PARPBP: variants seen among roughly 807,000 people sequenced by gnomAD.
The protein encoded by PARPBP is PARP1 binding protein.
PARPBP carries 52 observed loss-of-function variants against 50.0 expected under a neutral mutation model. The ratio of observed to expected loss-of-function variants is 1.04; its 90% confidence interval spans 0.83 to 1.31. The LOEUF (loss-of-function observed/expected upper bound fraction) is 1.31. PARPBP is among the 50% of genes most tolerant of loss of function. PARPBP has a pLI of 0.00. For missense variants in PARPBP, 697 were observed against 672.0 expected (o/e 1.04, Z -0.41); for synonymous variants, 244 against 232.1 (o/e 1.05, Z -0.47).
At chr12:102,171,206 A>G (rs1888693847) in intron 6 of PARPBP, among the ~76,000 whole-genome samples, 1 of 151,928 alleles carries the variant, frequency 6.6e-6, no homozygotes, top group African/African-American at 2.4e-5. Flanking sequence ...TAAAAGGTAT[A>G]GCAAACACAT....
Position 102,192,433 on chromosome 12 carries a change from T to C in PARPBP, c.1264-2879T>C, listed in dbSNP as rs1324817225. Among the ~76,000 whole-genome samples the C allele has an allele frequency of 2.0e-5, 3 of 152,140 alleles. No individual in the cohort carries two copies. In the East Asian group the frequency reaches 5.8e-4, roughly 29 times the overall value. ...AGCATTAGAAGCCAGGTCTTCTGAC[T>C]GCAAATCTGATGCTTTTCCCATCAC... On this transcript the variant is annotated intron_variant, in intron 9 of 10. Transcript: ENST00000327680.
Position 102,183,682 on chromosome 12 carries a change from A to T in PARPBP, c.1263+1055A>T, listed in dbSNP as rs560789033. On this transcript the variant is annotated intron_variant, in intron 9 of 10. Transcript: ENST00000327680. ...AACAGAAGTGTAACATATCAAAAAA[A>T]TTTTTTTCTTGCTATGGATACTGAC... is the stretch of plus-strand genomic sequence containing the variant. Among the ~76,000 whole-genome samples, 713 of 152,224 alleles carry T rather than the reference A, an allele frequency of 4.7e-3. 4 individuals carry two copies. The highest frequency in any genetic ancestry group is 0.016 in the African/African-American group (644 of 41,528).
At chr12:102,128,187 C>T (rs1882300754) in intron 2 of PARPBP, among the ~76,000 whole-genome samples, 1 of 152,048 alleles carries the variant, frequency 6.6e-6, no homozygotes, top group Non-Finnish European at 1.5e-5. Context: ...CCCACTGTGT[C>T]CCCACATCCC....
At chr12:102,131,591 A>C (rs898546833) in intron 2 of PARPBP, among the ~76,000 whole-genome samples, 1 of 152,222 alleles carries the variant, frequency 6.6e-6, no homozygotes, top group African/African-American at 2.4e-5. Flanking sequence ...AATCAACCTA[A>C]ATGGCCATTA....
At chr12:102,171,657 G>C (rs576412275) in intron 6 of PARPBP, among the ~76,000 whole-genome samples, 1 of 152,064 alleles carries the variant, frequency 6.6e-6, no homozygotes, top group Non-Finnish European at 1.5e-5. Context: ...ACGAGGTCAG[G>C]AGATCGAGAC....
At chr12:102,120,673 A>C (rs1453821572) in intron 1 of PARPBP, among the ~76,000 whole-genome samples, 2 of 152,272 alleles carry the variant, frequency 1.3e-5, no homozygotes, top group South Asian at 4.1e-4. Flanking sequence ...CTTGCACTCG[A>C]ACACTGATAA....
intron 4 of PARPBP, among the ~76,000 whole-genome samples, chr12:102,158,179 T>G (rs1290917416): frequency 6.6e-6 from 1 of 150,638 alleles, no homozygotes; most frequent in Non-Finnish European, 1.5e-5. Context: ...TGTCTTTACA[T>G]TAATTACTTG....
At position 102,196,191 on chromosome 12, in the gene PARPBP, T is replaced by C; in HGVS notation, c.1640T>C (p.Leu547Ser). ...PKKSNDSQNR[L>S]YGKLAKVAKS... is the part of the protein sequence containing the mutation. ...AAATCAAATGATTCACAGAATAGAT[T>C]GTACGGCAAACTAGCTAAAGTAGCA... Residue 547 changes from leucine (L) to serine (S), a missense_variant, in exon 11 of 11, where the codon TTG (leucine) becomes TCG (serine). Transcript: ENST00000327680. 1.9e-6 allele frequency: 3 copies of C among 1,611,980 alleles called. No homozygotes were observed. Among genetic ancestry groups the C allele is most frequent in the Non-Finnish European group, 2.5e-6 (3 of 1,178,608 alleles).
chr12:102,126,931 T>C (rs539066228), intron 2 of PARPBP, among the ~76,000 whole-genome samples: 2 of 152,388 alleles, frequency 1.3e-5, no homozygotes, highest in East Asian at 1.9e-4. Context: ...GTTCCTTTAA[T>C]ATGACTGCCA....
chr12:102,160,002 A>G (rs887930335), intron 4 of PARPBP, among the ~76,000 whole-genome samples: 1 of 152,236 alleles, frequency 6.6e-6, no homozygotes, highest in Non-Finnish European at 1.5e-5. Flanking sequence ...ACAGAACAGT[A>G]TCCTTATTTT....
chr12:102,184,974 C>T lies in PARPBP; in HGVS notation c.1263+2347C>T, dbSNP rs527906623. ...AGAAAATATCTTGAAATGAGCATTT[C>T]AAAGGTAGAAAATAATTAGATAACT... is the stretch of plus-strand genomic sequence containing the variant. On this transcript the variant is annotated intron_variant, in intron 9 of 10. Coordinates refer to ENST00000327680, the MANE Select transcript of PARPBP (RefSeq NM_017915.5). Among the ~76,000 whole-genome samples, 4 of 152,164 alleles carry T rather than the reference C, an allele frequency of 2.6e-5. No homozygotes were observed. In the East Asian group the frequency reaches 5.8e-4, roughly 22 times the overall value.
chr12:102,183,171 A>ATTT (rs1889998922), intron 9 of PARPBP, among the ~76,000 whole-genome samples: 1 of 152,116 alleles, frequency 6.6e-6, no homozygotes, highest in Admixed American at 6.5e-5. Context: ...TTTTCAAGCA[A>ATTT]TTTTTATTGG....
At chr12:102,136,218 C>G (rs570995576) in intron 2 of PARPBP, among the ~76,000 whole-genome samples, 1 of 152,204 alleles carries the variant, frequency 6.6e-6, no homozygotes, top group East Asian at 1.9e-4. Context: ...GGAAGTAGTA[C>G]TAAGGTAAAT....
Position 102,133,771 on chromosome 12 carries a change from A to G in PARPBP, c.153+9730A>G, listed in dbSNP as rs564898492. On this transcript the variant is annotated intron_variant, in intron 2 of 10. Transcript: ENST00000327680. ...AACAAGTCTTAACAAATTTAAGAAG[A>G]TTGAAATCATACTGAGTATCTTTTC... 2.2e-4 allele frequency among the ~76,000 whole-genome samples: 33 copies of G among 152,284 alleles called. No individual in the cohort carries two copies. The South Asian group carries it at 6.2e-3, about 29-fold the overall frequency.
At chr12:102,135,172 G>A (rs892191802) in intron 2 of PARPBP, among the ~76,000 whole-genome samples, 4 of 152,108 alleles carry the variant, frequency 2.6e-5, no homozygotes, top group African/African-American at 9.7e-5. Context: ...CATGGCACAG[G>A]AATATGTATA....
Position 102,195,242 on chromosome 12 carries a change from G to T in PARPBP, c.1264-70G>T, listed in dbSNP as rs118134725. ...TTATACCTTGATTACTATAGAGTGT[G>T]TGTCTATCTAGATGAAGAAATAAAA... On this transcript the variant is annotated intron_variant, in intron 9 of 10. Coordinates refer to ENST00000327680, the MANE Select transcript of PARPBP (RefSeq NM_017915.5). The T allele has an allele frequency of 1.1e-3, 1,096 of 955,188 alleles. 16 individuals are homozygous for T. The East Asian group carries it at 0.026, about 22-fold the overall frequency. 59.2% of individuals were successfully genotyped at this position (955,188 alleles called of 1,614,324 possible). A position where few individuals can be genotyped will look rare whatever the true frequency, so the allele number is the denominator to read the frequency against.
chr12:102,121,437 T>C (rs1241089817), intron 1 of PARPBP, among the ~76,000 whole-genome samples: 2 of 152,066 alleles, frequency 1.3e-5, no homozygotes, highest in Non-Finnish European at 2.9e-5. Flanking sequence ...CACTAGAAGG[T>C]CAAAGTGAGT....
At chr12:102,126,095 T>C (rs1484669654) in intron 2 of PARPBP, among the ~76,000 whole-genome samples, 1 of 152,242 alleles carries the variant, frequency 6.6e-6, no homozygotes, top group African/African-American at 2.4e-5. Context: ...GGGCAGATTG[T>C]TTTTCTAGGA....
chr12:102,148,174 T>C, intron 2 of PARPBP, 56 bp from the exon 3 acceptor site: 1 of 691,578 alleles, frequency 1.4e-6, no homozygotes, highest in Non-Finnish European at 2.3e-6. Context: ...TTATAAGTTA[T>C]TGAATATTCT....
Sources: allele counts gnomAD v4.1 joint callset (sites outside exome capture counted in the v4.1 genomes callset), GRCh38; gene constraint gnomAD v4.1.1; transcripts MANE v1.5; gene names NCBI Gene and HGNC (gene_info 2026-07-23, HGNC 2026-07-21).